Variants in FRMD4B observed in about 807,000 individuals in gnomAD.
FRMD4B encodes FERM domain containing 4B, also known as FERM domain-containing protein 4B.
Under a neutral mutation model 141.5 loss-of-function variants are expected in FRMD4B, and 74 were observed. The ratio of observed to expected loss-of-function variants is 0.52; its 90% CI spans 0.43 to 0.63. The LOEUF (loss-of-function observed/expected upper bound fraction) is 0.63. Ranked by LOEUF, FRMD4B falls within the 30% of genes least tolerant of loss-of-function variation. The pLI, the probability that FRMD4B is intolerant of heterozygous loss-of-function variation, is 0.00. For synonymous variants in FRMD4B, 506 were observed against 467.9 expected (o/e 1.08, Z -1.05); for missense variants, 1,366 against 1,253.4 (o/e 1.09, Z -1.36).
chr3:69,376,676 T>C (rs747096921), intron 1 of FRMD4B: 3 of 151,784 alleles, frequency 2.0e-5, no homozygotes, highest in Non-Finnish European at 4.4e-5. Flanking sequence ...CCAGGATGTA[T>C]ATCTGTTATG....
chr3:69,203,142 T>G (rs1236557148), intron 11 of FRMD4B, among the ~76,000 whole-genome samples: 1 of 151,780 alleles, frequency 6.6e-6, no homozygotes, highest in Non-Finnish European at 1.5e-5. Flanking sequence ...GATTACAGTT[T>G]ATTTAATGAA....
intron 7 of FRMD4B, among the ~76,000 whole-genome samples, chr3:69,242,051 A>G (rs2093388530): frequency 6.6e-6 from 1 of 152,186 alleles, no homozygotes; most frequent in African/African-American, 2.4e-5. Context: ...ACATGGGGAC[A>G]ATGACAGTGC....
chr3:69,249,915 C>T (rs767976664), intron 6 of FRMD4B, 128 bp downstream of exon 6: 3 of 687,968 alleles, frequency 4.4e-6, no homozygotes, highest in Non-Finnish European at 7.8e-6. Context: ...CATTTTTCAT[C>T]GGCAAACAAC....
intron 5 of FRMD4B, among the ~76,000 whole-genome samples, chr3:69,285,410 A>AAC (rs1297905791): frequency 6.6e-6 from 1 of 151,946 alleles, no homozygotes; most frequent in Non-Finnish European, 1.5e-5. Context: ...AAAAAAAAAA[A>AAC]AAAAACCTGA....
chr3:69,523,663 G>A lies in FRMD4B; in HGVS notation c.-129+18543C>T, dbSNP rs140636290. Among the ~76,000 whole-genome samples, 447 of 152,278 alleles carry A rather than the reference G, an allele frequency of 2.9e-3. 1 individual carries two copies. Among genetic ancestry groups the A allele is most frequent in the African/African-American group, 0.01 (430 of 41,558 alleles). ...CACAGAGCCATATTTAGCAGTGTGA[G>A]AGGATGGGAAATGTGGTTTTAAGCA... On this transcript the variant is annotated intron_variant, in intron 1 of 5. Transcript: ENST00000459638.
At chr3:69,273,152 T>C (rs1223421222) in intron 5 of FRMD4B, among the ~76,000 whole-genome samples, 1 of 152,224 alleles carries the variant, frequency 6.6e-6, no homozygotes, top group Non-Finnish European at 1.5e-5. Flanking sequence ...GAGCCTATAC[T>C]GGCAGACTTG....
chr3:69,517,100 G>C (rs1397629753), intron 1 of FRMD4B, among the ~76,000 whole-genome samples: 1 of 152,010 alleles, frequency 6.6e-6, no homozygotes, highest in Non-Finnish European at 1.5e-5. Flanking sequence ...GAGATTTAAT[G>C]GTCAGACAAT....
chr3:69,273,471 T>C (rs542018199), intron 5 of FRMD4B, among the ~76,000 whole-genome samples: 3 of 152,334 alleles, frequency 2.0e-5, no homozygotes, highest in Middle Eastern at 3.4e-3. Flanking sequence ...TTAAGCATAT[T>C]AAATTTCAAG....
intron 1 of FRMD4B, among the ~76,000 whole-genome samples, chr3:69,511,837 C>T (rs1431337905): frequency 6.6e-6 from 1 of 152,202 alleles, no homozygotes; most frequent in Non-Finnish European, 1.5e-5. Flanking sequence ...GTATCCTGCA[C>T]AGGTGTTTTC....
chr3:69,518,628 C>T (rs930801452), intron 1 of FRMD4B, among the ~76,000 whole-genome samples: 1 of 152,164 alleles, frequency 6.6e-6, no homozygotes, highest in Non-Finnish European at 1.5e-5. Context: ...ACCCTTCCAA[C>T]CCCTGGGCCA....
chr3:69,214,100 T>C (rs914543311), intron 11 of FRMD4B, among the ~76,000 whole-genome samples: 6 of 152,176 alleles, frequency 3.9e-5, no homozygotes, highest in African/African-American at 1.2e-4. Flanking sequence ...TTTTGTGTTA[T>C]CTGTGTCAGT....
chr3:69,459,617 A>G (rs1249455324), intron 1 of FRMD4B, among the ~76,000 whole-genome samples: 2 of 152,216 alleles, frequency 1.3e-5, no homozygotes, highest in Non-Finnish European at 2.9e-5. Context: ...ATATATTGAA[A>G]TCTTGGCTTC....
At chr3:69,368,437 C>G (rs1242231430) in intron 1 of FRMD4B, among the ~76,000 whole-genome samples, 1 of 152,230 alleles carries the variant, frequency 6.6e-6, no homozygotes, top group Non-Finnish European at 1.5e-5. Context: ...GCTGCTGTGG[C>G]TGAGGAAGGC....
chr3:69,531,007 T>C (rs969976936), intron 1 of FRMD4B, among the ~76,000 whole-genome samples: 5 of 152,210 alleles, frequency 3.3e-5, no homozygotes, highest in Non-Finnish European at 7.4e-5. Flanking sequence ...GAAGTATAAC[T>C]GGCAACAGGC....
chr3:69,527,057 G>A (rs766030756), intron 1 of FRMD4B, among the ~76,000 whole-genome samples: 62 of 152,078 alleles, frequency 4.1e-4, no homozygotes, highest in Non-Finnish European at 6.6e-4. Context: ...ACATTCTGGT[G>A]CCATTCACAC....
At chr3:69,255,410 T>C (rs2093486447) in intron 5 of FRMD4B, among the ~76,000 whole-genome samples, 1 of 152,004 alleles carries the variant, frequency 6.6e-6, no homozygotes, top group African/African-American at 2.4e-5. Flanking sequence ...GTCCAGTGAG[T>C]GGTATATGCC....
upstream of FRMD4B, chr3:69,386,132 G>A (rs1299779788): frequency 2.7e-6 from 2 of 754,064 alleles, no homozygotes; most frequent in Non-Finnish European, 4.1e-6. Flanking sequence ...GTCTTTCACC[G>A]TGCGTCCTGG....
At chr3:69,402,934 A>G (rs1389215451) in intron 2 of FRMD4B, among the ~76,000 whole-genome samples, 2 of 152,258 alleles carry the variant, frequency 1.3e-5, no homozygotes, top group East Asian at 1.9e-4. Context: ...AAGGAAGCAT[A>G]GCCCTGGAAT....
At chr3:69,237,833 T>A (rs1263075078) in intron 7 of FRMD4B, among the ~76,000 whole-genome samples, 1 of 152,138 alleles carries the variant, frequency 6.6e-6, no homozygotes, top group Non-Finnish European at 1.5e-5. Flanking sequence ...TGGGTTCAAG[T>A]GATTCTCCTG....
Sources: gnomAD v4.1 joint callset for allele counts (sites outside exome capture counted in the v4.1 genomes callset) on GRCh38, gnomAD v4.1.1 for gene constraint, MANE v1.5 for transcripts, NCBI Gene and HGNC (gene_info 2026-07-23, HGNC 2026-07-21) for gene names.